The following CTNNA3 variants were observed in gnomAD, a reference collection of about 807,000 sequenced individuals.
CTNNA3 encodes the protein catenin alpha 3.
CTNNA3 carries 76 observed loss-of-function variants against 95.7 expected under a neutral mutation model. The observed-to-expected ratio is 0.79, with a 90% CI of 0.66 to 0.96. The LOEUF (loss-of-function observed/expected upper bound fraction) is 0.96. Among genes scored for constraint, CTNNA3 ranks in the 40% least tolerant of loss-of-function variants. The pLI, the probability that CTNNA3 is intolerant of heterozygous loss-of-function variation, is 0.00. For synonymous variants in CTNNA3, 431 were observed against 374.4 expected, an observed-to-expected ratio of 1.15 and a Z score of -1.74; for missense variants, 1,191 against 1,089.8, an observed-to-expected ratio of 1.09 and a Z score of -1.31.
At chr10:67,563,172 G>A (rs11527385) in intron 3 of CTNNA3, among the ~76,000 whole-genome samples, 5 of 151,856 alleles carry the variant, frequency 3.3e-5, no homozygotes, top group South Asian at 2.1e-4. Context: ...AAAAGAGCCC[G>A]CATCGCCAAG....
chr10:66,755,709 A>G (rs1164332719), intron 9 of CTNNA3, among the ~76,000 whole-genome samples: 1 of 152,086 alleles, frequency 6.6e-6, no homozygotes, highest in Non-Finnish European at 1.5e-5. Context: ...ACAGATAGAA[A>G]TCTATACTCA....
chr10:67,257,039 C>T (rs1866379546), intron 5 of CTNNA3, among the ~76,000 whole-genome samples: 1 of 152,174 alleles, frequency 6.6e-6, no homozygotes, highest in African/African-American at 2.4e-5. Context: ...ATAATTCAAA[C>T]ATTTCACGAG....
intron 7 of CTNNA3, among the ~76,000 whole-genome samples, chr10:67,074,602 G>A (rs1052811024): frequency 6.6e-6 from 1 of 151,762 alleles, no homozygotes; most frequent in Non-Finnish European, 1.5e-5. Context: ...CACCCACCTC[G>A]GGTTCCCAAA....
intron 13 of CTNNA3, among the ~76,000 whole-genome samples, chr10:66,123,295 G>A (rs2082666182): frequency 6.6e-6 from 1 of 152,168 alleles, no homozygotes; most frequent in South Asian, 2.1e-4. Context: ...CAGCAGGGAA[G>A]TCAAACCTTA....
chr10:67,553,755 T>C (rs986665558), intron 3 of CTNNA3, among the ~76,000 whole-genome samples: 7 of 151,974 alleles, frequency 4.6e-5, no homozygotes, highest in Admixed American at 1.3e-4. Context: ...CATCTTTTTT[T>C]CTTTTCTTTT....
intron 7 of CTNNA3, among the ~76,000 whole-genome samples, chr10:66,847,258 T>C (rs1843314109): frequency 6.6e-6 from 1 of 152,208 alleles, no homozygotes; most frequent in African/African-American, 2.4e-5. Context: ...ATTCTTGTCA[T>C]GGTGTGAACT....
rs192093851 is a variant in CTNNA3 at position 67,219,708 on chromosome 10, C to A, written c.742G>T (p.Ala248Ser). The A allele has an allele frequency of 1.1e-3, 1,710 of 1,614,092 alleles. 15 individuals are homozygous for A. The highest frequency in any genetic ancestry group is 1.6e-4 in the Non-Finnish European group (184 of 1,180,002). The change falls in exon 6 of 18, where the codon GCT (alanine) becomes TCT (serine). Residue 248 changes from alanine to serine, a missense_variant. Coordinates refer to ENST00000433211, the MANE Select transcript of CTNNA3 (RefSeq NM_013266.4). ...KDTVCEEIQN[A>S]LNVISNASQG... Reference sequence around the variant, plus strand: ...GAAGCATTTGAAATTACATTGAGAGCATTCTGAATTTCTTCACAAACTGTG... The same window carrying A: ...GAAGCATTTGAAATTACATTGAGAGAATTCTGAATTTCTTCACAAACTGTG...
intron 12 of CTNNA3, among the ~76,000 whole-genome samples, chr10:66,344,226 C>CAA (rs71035122): frequency 0.58 from 81,324 of 139,540 alleles, 24,240 homozygotes; most frequent in Non-Finnish European, 0.65. Flanking sequence ...GACTCCATCT[C>CAA]AAAAAAAAAA....
intron 13 of CTNNA3, among the ~76,000 whole-genome samples, chr10:66,269,052 A>G (rs1422903392): frequency 2.0e-5 from 3 of 152,228 alleles, no homozygotes; most frequent in Non-Finnish European, 4.4e-5. Context: ...TCTAACTACT[A>G]CAAAAACTAA....
At chr10:67,287,900 A>C (rs117691217) in intron 5 of CTNNA3, among the ~76,000 whole-genome samples, 2,450 of 152,340 alleles carry the variant, frequency 0.016, 27 homozygotes, top group Non-Finnish European at 0.023. Flanking sequence ...AACAACTTTT[A>C]CTGAGAGTAG....
chr10:66,694,757 G>C (rs1348223671), intron 9 of CTNNA3, among the ~76,000 whole-genome samples: 1 of 151,992 alleles, frequency 6.6e-6, no homozygotes, highest in Non-Finnish European at 1.5e-5. Flanking sequence ...GAATTCCAAG[G>C]GATCACAAAC....
chr10:67,250,089 T>G (rs1418152199), intron 5 of CTNNA3, among the ~76,000 whole-genome samples: 1 of 152,220 alleles, frequency 6.6e-6, no homozygotes, highest in Non-Finnish European at 1.5e-5. Flanking sequence ...TATTTTTTAT[T>G]CAGATTCAGT....
intron 10 of CTNNA3, among the ~76,000 whole-genome samples, chr10:66,545,388 A>G (rs913509072): frequency 6.6e-6 from 1 of 152,094 alleles, no homozygotes; most frequent in Non-Finnish European, 1.5e-5. Context: ...TGCTATATGT[A>G]CCTATAAATC....
chr10:67,190,849 G>C (rs1309760712), intron 6 of CTNNA3, among the ~76,000 whole-genome samples: 1 of 151,948 alleles, frequency 6.6e-6, no homozygotes, highest in African/African-American at 2.4e-5. Context: ...AGGCATATCC[G>C]ATAAACGATA....
intron 3 of CTNNA3, among the ~76,000 whole-genome samples, chr10:67,566,072 T>TATATATATATATATAC (rs1265158791): frequency 2.1e-4 from 21 of 102,152 alleles, no homozygotes; most frequent in Non-Finnish European, 3.6e-4. Context: ...TATATATATA[T>TATATATATATATATAC]ACAAAACCTA....
intron 7 of CTNNA3, among the ~76,000 whole-genome samples, chr10:66,962,394 G>T (rs1849158851): frequency 6.7e-6 from 1 of 148,952 alleles, no homozygotes; most frequent in African/African-American, 2.5e-5. Flanking sequence ...GTTTTTTTTT[G>T]TTTTGTTTTT....
At chr10:66,034,308 T>C (rs56008306) in intron 15 of CTNNA3, among the ~76,000 whole-genome samples, 31,089 of 152,114 alleles carry the variant, frequency 0.2, 3,316 homozygotes, top group Admixed American at 0.25. Context: ...CAGTAGAGAC[T>C]GACTGATACT....
intron 11 of CTNNA3, among the ~76,000 whole-genome samples, chr10:66,420,831 A>AATTAATTAATTAATT (rs1564945835): frequency 1.5e-3 from 85 of 55,694 alleles, no homozygotes; most frequent in African/African-American, 8.6e-3. Context: ...ATAAATAAAT[A>AATTAATTAATTAATT]AATAAATAAA....
At chr10:66,287,398 T>C (rs1017964463) in intron 12 of CTNNA3, among the ~76,000 whole-genome samples, 1 of 152,128 alleles carries the variant, frequency 6.6e-6, no homozygotes, top group Non-Finnish European at 1.5e-5. Flanking sequence ...TCTCAAAGTA[T>C]AAACTCTGTC....
Sources: gnomAD v4.1 joint callset for allele counts (sites outside exome capture counted in the v4.1 genomes callset) on GRCh38, gnomAD v4.1.1 for gene constraint, MANE v1.5 for transcripts, NCBI Gene and HGNC (gene_info 2026-07-23, HGNC 2026-07-21) for gene names.